Variants in FRMD4A observed in about 807,000 individuals in gnomAD.
FRMD4A encodes FERM domain-containing protein 4A.
FRMD4A carries 29 observed loss-of-function variants against 129.1 expected under a neutral mutation model. The observed-to-expected ratio is 0.22, with a 90% CI of 0.17 to 0.31. The LOEUF (loss-of-function observed/expected upper bound fraction) is 0.31. Ranked by LOEUF, FRMD4A falls within the 10% of genes least tolerant of loss-of-function variation. The pLI, the probability that FRMD4A is intolerant of heterozygous loss-of-function variation, is 1.00. For synonymous variants in FRMD4A, 634 were observed against 571.6 expected, an observed-to-expected ratio of 1.11 and a Z score of -1.56; for missense variants, 1,272 against 1,375.8, an observed-to-expected ratio of 0.92 and a Z score of 1.19.
At chr10:14,253,660 T>A (rs992300673) in intron 2 of FRMD4A, among the ~76,000 whole-genome samples, 3 of 152,212 alleles carry the variant, frequency 2.0e-5, no homozygotes, top group Non-Finnish European at 2.9e-5. Flanking sequence ...CAGCTCTGGA[T>A]AAAGATTCTT....
At chr10:14,106,184 A>T (rs958588427) in intron 2 of FRMD4A, among the ~76,000 whole-genome samples, 1 of 152,234 alleles carries the variant, frequency 6.6e-6, no homozygotes, top group African/African-American at 2.4e-5. Flanking sequence ...AAGCATCATT[A>T]TTCATTTATG....
At chr10:14,201,038 C>T (rs1234260309) in intron 2 of FRMD4A, among the ~76,000 whole-genome samples, 2 of 152,198 alleles carry the variant, frequency 1.3e-5, no homozygotes, top group Non-Finnish European at 2.9e-5. Context: ...CATCCTACTT[C>T]CTTGGACACC....
intron 8 of FRMD4A, among the ~76,000 whole-genome samples, chr10:13,752,448 T>A (rs925101056): frequency 8.5e-5 from 13 of 152,206 alleles, no homozygotes; most frequent in African/African-American, 3.1e-4. Flanking sequence ...TTAAAAAACC[T>A]GGAAATAACT....
At chr10:13,875,804 G>T (rs1252999372) in intron 2 of FRMD4A, among the ~76,000 whole-genome samples, 7 of 152,126 alleles carry the variant, frequency 4.6e-5, no homozygotes, top group Admixed American at 4.6e-4. Flanking sequence ...CAACCTACTG[G>T]CCATACCAGA....
chr10:13,702,212 C>T (rs535271846), intron 13 of FRMD4A, among the ~76,000 whole-genome samples: 129 of 152,262 alleles, frequency 8.5e-4, no homozygotes, highest in African/African-American at 3.0e-3. Flanking sequence ...GCTGGGATGA[C>T]AGATGCCCCC....
intron 2 of FRMD4A, among the ~76,000 whole-genome samples, chr10:14,142,816 C>G (rs1372118913): frequency 6.6e-6 from 1 of 152,048 alleles, no homozygotes; most frequent in Non-Finnish European, 1.5e-5. Flanking sequence ...AAAATGGAAT[C>G]CAATTAAAAA....
In FRMD4A at chr10:14,319,367, T is replaced by TCTCTCACA. The variant is rs112041665; in HGVS notation, c.45+10690_45+10691insTGTGAGAG. ...TCTCTCTCCTCTCTCTCTCTCTCTC[T>TCTCTCACA]CACACACACACACACACACATGATA... is the stretch of plus-strand genomic sequence containing the variant. On this transcript the variant is annotated intron_variant, in intron 2 of 24. Coordinates refer to ENST00000357447, the MANE Select transcript of FRMD4A (RefSeq NM_018027.5). 2.2e-4 allele frequency among the ~76,000 whole-genome samples: 32 copies of TCTCTCACA among 145,140 alleles called. No individual in the cohort carries two copies. In the East Asian group the frequency reaches 4.7e-3, roughly 22 times the overall value.
At chr10:14,324,889 G>C (rs1343128717) in intron 2 of FRMD4A, among the ~76,000 whole-genome samples, 1 of 152,170 alleles carries the variant, frequency 6.6e-6, no homozygotes, top group East Asian at 1.9e-4. Flanking sequence ...TCAAACACCT[G>C]ACCTCAGGTG....
intron 2 of FRMD4A, among the ~76,000 whole-genome samples, chr10:13,984,685 C>G (rs949278519): frequency 1.3e-5 from 2 of 152,286 alleles, no homozygotes; most frequent in South Asian, 4.1e-4. Flanking sequence ...AGGGTTCATC[C>G]GTGGTGTAGC....
chr10:13,845,942 T>C (rs1416564762), intron 3 of FRMD4A, among the ~76,000 whole-genome samples: 1 of 152,214 alleles, frequency 6.6e-6, no homozygotes, highest in East Asian at 1.9e-4. Context: ...GTCCTCTGCA[T>C]TCAGGTGGCC....
intron 16 of FRMD4A, among the ~76,000 whole-genome samples, chr10:13,673,827 G>C (rs969540042): frequency 4.9e-5 from 7 of 142,656 alleles, no homozygotes; most frequent in Non-Finnish European, 3.0e-5. Context: ...CCAAGCTGGA[G>C]TGCAATGGCG....
rs771791704 is a variant in FRMD4A at position 13,675,023 on chromosome 10, G to C, written c.1139C>G (p.Ser380Trp). 8.1e-6 allele frequency: 13 copies of C among 1,613,288 alleles called. No homozygotes were observed. Among genetic ancestry groups the C allele is most frequent in the African/African-American group, 1.3e-5 (1 of 74,920 alleles). The change falls in exon 16 of 25, where the codon TCG becomes TGG. Residue 380 changes from serine to tryptophan, a missense_variant. Physicochemically the swap from Ser to Trp is radical, Grantham distance 177. Around this residue, in one of 2 missense-constraint regions of FRMD4A, gnomAD observed 300 missense variants for 483.6 expected, o/e 0.62. Coordinates refer to ENST00000357447, the MANE Select transcript of FRMD4A (RefSeq NM_018027.5). ...LSSGSQESDSSQSAKKDMLAA... is the reference protein window; with the variant it reads ...LSSGSQESDSWQSAKKDMLAA... ...CAGCATGTCCTTCTTGGCCGACTGC[G>C]AGCTATCTGATTCCTGAGAACCTGT... is the stretch of plus-strand genomic sequence containing the variant.
At chr10:14,319,367 T>TCTCTCTCTCTCTCTCTCTCACACACACA (rs112041665) in intron 2 of FRMD4A, among the ~76,000 whole-genome samples, 1 of 145,048 alleles carries the variant, frequency 6.9e-6, no homozygotes, top group African/African-American at 2.7e-5. Context: ...TCTCTCTCTC[T>TCTCTCTCTCTCTCTCTCTCACACACACA]CACACACACA....
intron 2 of FRMD4A, among the ~76,000 whole-genome samples, chr10:14,212,763 G>A (rs1283108110): frequency 6.6e-6 from 1 of 152,236 alleles, no homozygotes; most frequent in Non-Finnish European, 1.5e-5. Context: ...GGCTGAGCAG[G>A]AGATGCTGGG....
intron 2 of FRMD4A, among the ~76,000 whole-genome samples, chr10:14,035,851 G>A (rs1833474479): frequency 6.6e-6 from 1 of 152,110 alleles, no homozygotes. Context: ...TCCTTTCCAT[G>A]TGTTTTGCTT....
chr10:13,969,254 C>T (rs1416347190), intron 2 of FRMD4A, among the ~76,000 whole-genome samples: 4 of 152,234 alleles, frequency 2.6e-5, no homozygotes, highest in Non-Finnish European at 4.4e-5. Flanking sequence ...ATGGGGATTA[C>T]CTCCCAGCTG....
At chr10:13,700,135 TG>T (rs1184818371) in intron 14 of FRMD4A, among the ~76,000 whole-genome samples, 1 of 151,716 alleles carries the variant, frequency 6.6e-6, no homozygotes, top group African/African-American at 2.4e-5. Flanking sequence ...TTAGTAGAGA[TG>T]GGGGTCTCAC....
chr10:13,663,653 T>C (rs2082802615), intron 18 of FRMD4A, 144 bp from the exon 19 acceptor site: 1 of 627,890 alleles, frequency 1.6e-6, no homozygotes, highest in Non-Finnish European at 2.9e-6. Flanking sequence ...AAAATGCTGT[T>C]GGGTGTTTCT....
chr10:14,064,832 C>A (rs1413917052), intron 2 of FRMD4A, among the ~76,000 whole-genome samples: 1 of 152,164 alleles, frequency 6.6e-6, no homozygotes, highest in Non-Finnish European at 1.5e-5. Flanking sequence ...CCTGCTTTGA[C>A]CTCCCAAAGT....
Sources: allele counts gnomAD v4.1 joint callset (sites outside exome capture counted in the v4.1 genomes callset), GRCh38; gene constraint gnomAD v4.1.1; regional missense constraint gnomAD v4.1.1; transcripts MANE v1.5; gene names NCBI Gene and HGNC (gene_info 2026-07-23, HGNC 2026-07-21).